PBX1: variants seen among roughly 807,000 people sequenced by gnomAD.
The protein encoded by PBX1 is PBX homeobox 1, also known as pre-B-cell leukemia transcription factor 1.
A neutral mutation model predicts 53.4 loss-of-function variants in PBX1; 6 were observed. That is an observed-to-expected ratio of 0.11 (90% CI 0.06 to 0.22). The LOEUF (loss-of-function observed/expected upper bound fraction) is 0.22, where lower values mean the gene tolerates loss of function less well. Among genes scored for constraint, PBX1 ranks in the 10% least tolerant of loss-of-function variants. The pLI is 1.00. For synonymous variants in PBX1, 204 were observed against 212.3 expected (o/e 0.96, Z 0.34); for missense variants, 251 against 551.4 (o/e 0.46, Z 5.46).
intron 2 of PBX1, among the ~76,000 whole-genome samples, chr1:164,609,489 C>T (rs1656769261): frequency 6.6e-6 from 1 of 152,148 alleles, no homozygotes; most frequent in African/African-American, 2.4e-5. Context: ...TTTCCTGTCG[C>T]CACACCCTTC....
chr1:164,639,800 C>A (rs1182544110), intron 2 of PBX1: 1 of 152,190 alleles, frequency 6.6e-6, no homozygotes, highest in East Asian at 1.9e-4. Context: ...TTAGCTGGGA[C>A]TATAGGCATG....
intron 2 of PBX1, among the ~76,000 whole-genome samples, chr1:164,696,602 A>G (rs1662811536): frequency 6.6e-6 from 1 of 152,148 alleles, no homozygotes; most frequent in African/African-American, 2.4e-5. Flanking sequence ...GTTACCTGAG[A>G]GAATGGGTTT....
chr1:164,663,173 C>T (rs1660591666), intron 2 of PBX1, among the ~76,000 whole-genome samples: 2 of 151,858 alleles, frequency 1.3e-5, no homozygotes, highest in South Asian at 2.1e-4. Flanking sequence ...TGCCTTCCTT[C>T]CTGCCTTCCT....
chr1:164,789,048 T>C (rs1172566962), intron 2 of PBX1, among the ~76,000 whole-genome samples: 3 of 152,140 alleles, frequency 2.0e-5, no homozygotes, highest in Non-Finnish European at 4.4e-5. Context: ...TGCGCCCAAT[T>C]AAATGTATCC....
chr1:164,681,223 T>C (rs1179626833), intron 2 of PBX1, among the ~76,000 whole-genome samples: 1 of 152,154 alleles, frequency 6.6e-6, no homozygotes, highest in African/African-American at 2.4e-5. Flanking sequence ...CATTAATAAA[T>C]CATTTTCTTT....
intron 2 of PBX1, among the ~76,000 whole-genome samples, chr1:164,639,953 G>A (rs1215267842): frequency 6.6e-6 from 1 of 151,574 alleles, no homozygotes; most frequent in Non-Finnish European, 1.5e-5. Flanking sequence ...ATAAGGCACT[G>A]TACCCAGCTG....
chr1:164,742,096 A>G (rs1164464477), intron 2 of PBX1, among the ~76,000 whole-genome samples: 1 of 152,188 alleles, frequency 6.6e-6, no homozygotes, highest in African/African-American at 2.4e-5. Flanking sequence ...TTTCTTATTC[A>G]TAGTGCAGTT....
chr1:164,623,560 A>G (rs928745195), intron 2 of PBX1, among the ~76,000 whole-genome samples: 1 of 152,156 alleles, frequency 6.6e-6, no homozygotes, highest in Non-Finnish European at 1.5e-5. Flanking sequence ...CTCACTGCCA[A>G]AGTCGTGCTT....
intron 2 of PBX1, among the ~76,000 whole-genome samples, chr1:164,602,355 A>G (rs1022818194): frequency 3.3e-5 from 5 of 152,306 alleles, no homozygotes; most frequent in Non-Finnish European, 5.9e-5. Context: ...GTTATGCGAC[A>G]TTCTCTTAAT....
At chr1:164,659,445 T>C (rs1166621589) in intron 2 of PBX1, among the ~76,000 whole-genome samples, 1 of 152,238 alleles carries the variant, frequency 6.6e-6, no homozygotes, top group African/African-American at 2.4e-5. Context: ...TATGTTTCCC[T>C]TGTGTTCTTA....
At chr1:164,671,183 CT>C (rs113820078) in intron 2 of PBX1, among the ~76,000 whole-genome samples, 27,300 of 144,964 alleles carry the variant, frequency 0.19, 3,449 homozygotes, top group African/African-American at 0.38. Flanking sequence ...TAAGATAGCC[CT>C]TTTTTTTTTT....
At chr1:164,746,991 A>C (rs1156975279) in intron 2 of PBX1, among the ~76,000 whole-genome samples, 1 of 152,152 alleles carries the variant, frequency 6.6e-6, no homozygotes, top group Non-Finnish European at 1.5e-5. Context: ...TTGAAAAATC[A>C]CTGCATTTTT....
chr1:164,858,459 A>G (rs1672024063), intron 2 of PBX1, among the ~76,000 whole-genome samples: 1 of 151,876 alleles, frequency 6.6e-6, no homozygotes, highest in African/African-American at 2.4e-5. Flanking sequence ...ACACACACAC[A>G]CACACACACA....
intron 2 of PBX1, among the ~76,000 whole-genome samples, chr1:164,647,653 A>C (rs913472471): frequency 6.6e-6 from 1 of 152,152 alleles, no homozygotes; most frequent in Non-Finnish European, 1.5e-5. Flanking sequence ...TTCAATAACA[A>C]GTATATTTGG....
At chr1:164,571,180 A>G (rs1653822246) in intron 2 of PBX1, among the ~76,000 whole-genome samples, 1 of 152,202 alleles carries the variant, frequency 6.6e-6, no homozygotes. Flanking sequence ...TTCTTGAAAT[A>G]TATTTCTAAC....
intron 8 of PBX1, chr1:164,828,742 C>T (rs543688125): frequency 7.2e-5 from 11 of 152,128 alleles, no homozygotes; most frequent in Admixed American, 2.0e-4. Context: ...AATATTAAGG[C>T]AATTAAATAA....
At chr1:164,563,360 C>A in intron 2 of PBX1, 49 bp downstream of exon 2, 2 of 1,197,566 alleles carry the variant, frequency 1.7e-6, no homozygotes, top group South Asian at 2.6e-5. Flanking sequence ...CCAATTAAAT[C>A]ACTTAACCAG....
At chr1:164,684,110 GC>G (rs753064887) in intron 2 of PBX1, 8 of 152,094 alleles carry the variant, frequency 5.3e-5, no homozygotes, top group African/African-American at 1.9e-4. Context: ...GAGCCACTGC[GC>G]CCAGCCTGTA....
At chr1:164,715,239 C>A (rs1664018976) in intron 2 of PBX1, among the ~76,000 whole-genome samples, 1 of 152,158 alleles carries the variant, frequency 6.6e-6, no homozygotes, top group South Asian at 2.1e-4. Context: ...ACATTCTCAG[C>A]CATTCATTTG....
Sources: gnomAD v4.1 joint callset for allele counts (sites outside exome capture counted in the v4.1 genomes callset) on GRCh38, gnomAD v4.1.1 for gene constraint, MANE v1.5 for transcripts, NCBI Gene and HGNC (gene_info 2026-07-23, HGNC 2026-07-21) for gene names.